Variants in PCLO observed in about 807,000 individuals in gnomAD.
The protein encoded by PCLO is piccolo presynaptic cytomatrix protein, also known as protein piccolo.
A neutral mutation model predicts 427.5 loss-of-function variants in PCLO; 82 were observed. The observed-to-expected ratio is 0.19, with a 90% CI of 0.16 to 0.23. The LOEUF (loss-of-function observed/expected upper bound fraction) is 0.23. Among genes scored for constraint, PCLO ranks in the 10% least tolerant of loss-of-function variants. The probability of loss-of-function intolerance (pLI) is 1.00; values close to 1 mark genes in which losing one functional copy is unlikely to be tolerated. For synonymous variants in PCLO, 2,357 were observed against 2,155.4 expected (o/e 1.09, Z -2.59); for missense variants, 6,239 against 6,115.9 (o/e 1.02, Z -0.67).
chr7:82,950,001 T>C lies in PCLO; in HGVS notation c.10587A>G (p.Glu3529=). 1 of 1,613,440 alleles carries C rather than the reference T, an allele frequency of 6.2e-7. No homozygotes were observed. The highest frequency in any genetic ancestry group is 8.5e-7 in the Non-Finnish European group (1 of 1,179,802). The change falls in exon 6 of 25, where the codon GAA becomes GAG. Residue 3529 remains glutamate, a synonymous_variant. Transcript: ENST00000333891. ...AGGGTGTTCTTATGGTTCCAACTGG[T>C]TCAGTTTGCACAGATATCTCTGCTA... ...QTVAEISVQT[E]PVGTIRTPSI... is the part of the protein sequence containing the mutation.
At chr7:83,146,406 T>A (rs1791994789) in intron 2 of PCLO, among the ~76,000 whole-genome samples, 2 of 152,196 alleles carry the variant, frequency 1.3e-5, no homozygotes, top group Admixed American at 1.3e-4. Flanking sequence ...AGTGTAATAA[T>A]ATATTAGAAT....
chr7:83,003,044 A>G (rs116535152), intron 3 of PCLO, among the ~76,000 whole-genome samples: 2,757 of 151,622 alleles, frequency 0.018, 81 homozygotes, highest in African/African-American at 0.062. Flanking sequence ...CTGAAAGATC[A>G]TATCTTCACA....
chr7:82,957,831 G>A (rs1182327897), intron 4 of PCLO, among the ~76,000 whole-genome samples: 3 of 152,106 alleles, frequency 2.0e-5, no homozygotes, highest in South Asian at 2.1e-4. Flanking sequence ...TTTTGTGAGC[G>A]GGAGCATGGG....
At chr7:82,841,547 C>G (rs369702856) in intron 13 of PCLO, 38 bp from the exon 14 acceptor site, 1 of 1,193,266 alleles carries the variant, frequency 8.4e-7, no homozygotes, top group African/African-American at 1.5e-5. Context: ...TTAATAGATA[C>G]ATTTTTCACA....
At chr7:82,835,057 G>C (rs1050979766) in intron 16 of PCLO, among the ~76,000 whole-genome samples, 11 of 151,818 alleles carry the variant, frequency 7.2e-5, no homozygotes, top group African/African-American at 2.7e-4. Context: ...CTATTTTCCT[G>C]CCTCAGCCTC....
chr7:83,098,907 T>G (rs942785260), intron 3 of PCLO, among the ~76,000 whole-genome samples: 1 of 151,920 alleles, frequency 6.6e-6, no homozygotes. Context: ...GAAGAGGTAT[T>G]CAAATCAGGT....
In PCLO at chr7:83,134,876, G is replaced by A. The variant is rs191499757; in HGVS notation, c.2674C>T (p.Pro892Ser). ...TCCTGAGGCTTTGGGGACTGTTGAG[G>A]TGTGGGGACAGTTTGGCCAGCGGTA... ...RPTAGQTVPT[P>S]QQSPKPQEQS... is the part of the protein sequence containing the mutation. The change falls in exon 3 of 25, where the codon CCT (proline) becomes TCT (serine). Residue 892 changes from proline (P) to serine (S), a missense_variant. Pro to Ser is a moderately conservative substitution (Grantham distance 74). Coordinates refer to ENST00000333891, the MANE Select transcript of PCLO (RefSeq NM_033026.6). 1.1e-5 allele frequency: 17 copies of A among 1,605,632 alleles called. No individual in the cohort carries two copies. The East Asian group carries it at 3.6e-4, about 34-fold the overall frequency.
intron 22 of PCLO, among the ~76,000 whole-genome samples, chr7:82,788,405 A>G (rs1315820627): frequency 3.3e-5 from 5 of 151,742 alleles, no homozygotes; most frequent in Non-Finnish European, 5.9e-5. Flanking sequence ...TAGAAGATGT[A>G]GTATTTTGAT....
chr7:83,124,962 G>T (rs1791392295), intron 3 of PCLO, among the ~76,000 whole-genome samples: 1 of 152,156 alleles, frequency 6.6e-6, no homozygotes, highest in Admixed American at 6.5e-5. Context: ...CGCCGTGTTG[G>T]CCGGGCTGGT....
At chr7:82,769,905 C>G (rs1488309956) in intron 22 of PCLO, among the ~76,000 whole-genome samples, 1 of 151,994 alleles carries the variant, frequency 6.6e-6, no homozygotes, top group East Asian at 1.9e-4. Flanking sequence ...TTTTAAAAAC[C>G]AGGAATTCTG....
At chr7:83,124,749 A>G (rs902199094) in intron 3 of PCLO, among the ~76,000 whole-genome samples, 3 of 151,856 alleles carry the variant, frequency 2.0e-5, no homozygotes, top group African/African-American at 7.3e-5. Context: ...CCCGCTTTCC[A>G]CGGTCTCCCC....
At chr7:82,864,137 T>C (rs913729706) in intron 10 of PCLO, among the ~76,000 whole-genome samples, 43 of 152,238 alleles carry the variant, frequency 2.8e-4, no homozygotes, top group African/African-American at 1.0e-3. Flanking sequence ...GAATATCTAA[T>C]TATAAACTTC....
intron 22 of PCLO, among the ~76,000 whole-genome samples, chr7:82,801,254 T>C (rs76542701): frequency 0.053 from 7,053 of 132,384 alleles, 290 homozygotes; most frequent in East Asian, 0.14. Flanking sequence ...TTCTGAGTCT[T>C]TTTCATGTCA....
intron 9 of PCLO, among the ~76,000 whole-genome samples, chr7:82,888,370 A>G (rs2116100351): frequency 6.6e-6 from 1 of 152,314 alleles, no homozygotes; most frequent in South Asian, 2.1e-4. Flanking sequence ...AAATGTTCAT[A>G]TAATTGATAT....
intron 2 of PCLO, among the ~76,000 whole-genome samples, chr7:83,139,135 A>T: frequency 6.6e-6 from 1 of 152,188 alleles, no homozygotes; most frequent in East Asian, 1.9e-4. Flanking sequence ...ATTAAATAAA[A>T]ATTTTAAATA....
intron 3 of PCLO, among the ~76,000 whole-genome samples, chr7:83,038,590 T>C (rs1401978818): frequency 5.3e-5 from 8 of 152,038 alleles, no homozygotes; most frequent in African/African-American, 1.9e-4. Context: ...TAACATTTCA[T>C]TGTATGAACA....
chr7:82,802,934 C>A (rs1791387544), intron 21 of PCLO, among the ~76,000 whole-genome samples: 1 of 151,936 alleles, frequency 6.6e-6, no homozygotes, highest in Admixed American at 6.6e-5. Context: ...TATAATAATT[C>A]TAGGTTAAAG....
chr7:83,001,419 C>T (rs1012712853), intron 3 of PCLO, among the ~76,000 whole-genome samples: 4 of 151,602 alleles, frequency 2.6e-5, no homozygotes, highest in African/African-American at 9.7e-5. Context: ...TTCCATGTTA[C>T]ATAACTGAAT....
At chr7:83,093,804 TAAA>T (rs55783549) in intron 3 of PCLO, among the ~76,000 whole-genome samples, 1,586 of 126,714 alleles carry the variant, frequency 0.013, 16 homozygotes, top group African/African-American at 0.039. Flanking sequence ...CCACAAATAT[TAAA>T]AAAAAAAAAA....
Sources: allele counts gnomAD v4.1 joint callset (sites outside exome capture counted in the v4.1 genomes callset), GRCh38; gene constraint gnomAD v4.1.1; transcripts MANE v1.5; gene names NCBI Gene and HGNC (gene_info 2026-07-23, HGNC 2026-07-21).